The following ROBO2 variants were observed in gnomAD, a reference collection of about 807,000 sequenced individuals.
The protein encoded by ROBO2 is roundabout homolog 2.
Under a neutral mutation model 160.8 loss-of-function variants are expected in ROBO2, and 53 were observed. That is an observed-to-expected ratio of 0.33 (90% CI 0.26 to 0.41). The LOEUF (loss-of-function observed/expected upper bound fraction) is 0.41, where lower values mean the gene tolerates loss of function less well. Among genes scored for constraint, ROBO2 ranks in the 10% least tolerant of loss-of-function variants. The probability of loss-of-function intolerance (pLI) is 1.00; values close to 1 mark genes in which losing one functional copy is unlikely to be tolerated. For synonymous variants in ROBO2, 664 were observed against 611.7 expected, an observed-to-expected ratio of 1.09 and a Z score of -1.26; for missense variants, 1,577 against 1,722.4, an observed-to-expected ratio of 0.92 and a Z score of 1.49.
At chr3:76,882,389 C>T (rs551544631) in intron 2 of ROBO2, among the ~76,000 whole-genome samples, 1 of 152,168 alleles carries the variant, frequency 6.6e-6, no homozygotes, top group East Asian at 1.9e-4. Context: ...CTCGGTTTTA[C>T]CTACTAAGTT....
chr3:76,938,594 A>G (rs906605033), intron 2 of ROBO2, among the ~76,000 whole-genome samples: 1 of 152,116 alleles, frequency 6.6e-6, no homozygotes, highest in Non-Finnish European at 1.5e-5. Context: ...CATGTACCAC[A>G]GGTGGCTAGC....
intron 2 of ROBO2, among the ~76,000 whole-genome samples, chr3:77,109,568 G>T (rs1193960001): frequency 1.3e-5 from 2 of 152,210 alleles, no homozygotes; most frequent in East Asian, 3.9e-4. Context: ...CTCTGCAAGA[G>T]AATGTGGAAC....
At chr3:76,273,096 C>T (rs1707679696) in intron 2 of ROBO2, among the ~76,000 whole-genome samples, 1 of 62,198 alleles carries the variant, frequency 1.6e-5, no homozygotes, top group South Asian at 7.1e-4. Flanking sequence ...ATAAAATACA[C>T]ACACATATAC....
At chr3:76,377,481 C>T (rs1208392021) in intron 2 of ROBO2, among the ~76,000 whole-genome samples, 1 of 152,160 alleles carries the variant, frequency 6.6e-6, no homozygotes, top group Non-Finnish European at 1.5e-5. Context: ...GAAATTGCTA[C>T]TGAATATTAC....
intron 2 of ROBO2, among the ~76,000 whole-genome samples, chr3:76,298,131 G>A (rs183973456): frequency 1.4e-4 from 22 of 152,238 alleles, no homozygotes; most frequent in Non-Finnish European, 2.8e-4. Flanking sequence ...CATCATAGAG[G>A]AACAAAAAGC....
chr3:76,709,640 C>A (rs1317401226), intron 2 of ROBO2, among the ~76,000 whole-genome samples: 2 of 152,080 alleles, frequency 1.3e-5, no homozygotes, highest in African/African-American at 2.4e-5. Context: ...ACTTCAGGGG[C>A]TGGACAGGAG....
At chr3:76,056,599 T>G (rs2067857155) in intron 2 of ROBO2, among the ~76,000 whole-genome samples, 1 of 152,168 alleles carries the variant, frequency 6.6e-6, no homozygotes, top group Admixed American at 6.5e-5. Flanking sequence ...AGAAAAAGGT[T>G]CTTACATGTA....
chr3:77,066,484 A>C (rs2066855762), intron 1 of ROBO2, among the ~76,000 whole-genome samples: 1 of 152,244 alleles, frequency 6.6e-6, no homozygotes, highest in South Asian at 2.1e-4. Context: ...TTTCTTTAAA[A>C]ATGTGTTATC....
chr3:76,956,790 A>T (rs997899372), intron 2 of ROBO2, among the ~76,000 whole-genome samples: 1 of 152,038 alleles, frequency 6.6e-6, no homozygotes, highest in Non-Finnish European at 1.5e-5. Context: ...CCCAGGGCCC[A>T]ACCTCAGAAC....
intron 2 of ROBO2, among the ~76,000 whole-genome samples, chr3:77,031,523 A>G (rs1360588119): frequency 6.8e-6 from 1 of 146,480 alleles, no homozygotes; most frequent in Non-Finnish European, 1.5e-5. Context: ...TATCTACTAT[A>G]TAATATATTC....
At chr3:76,273,668 A>G (rs191414397) in intron 2 of ROBO2, among the ~76,000 whole-genome samples, 13 of 152,188 alleles carry the variant, frequency 8.5e-5, no homozygotes, top group Admixed American at 3.3e-4. Context: ...GAACTCACTC[A>G]TCATCATGAG....
At chr3:76,580,342 G>GTTTTTTTTTTTTTTTTTTTTTT (rs71101901) in intron 2 of ROBO2, among the ~76,000 whole-genome samples, 2 of 90,562 alleles carry the variant, frequency 2.2e-5, no homozygotes, top group African/African-American at 8.7e-5. Flanking sequence ...TTTTTTTTGT[G>GTTTTTTTTTTTTTTTTTTTTTT]TTTTTTTTTT....
chr3:75,957,746 G>C (rs149103895), intron 2 of ROBO2, among the ~76,000 whole-genome samples: 1 of 151,020 alleles, frequency 6.6e-6, no homozygotes, highest in Non-Finnish European at 1.5e-5. Context: ...GGGATAAATG[G>C]TTGTCTTTTG....
rs71104642 is a variant in ROBO2, at chr3:76,948,874, TTATATA to T, written c.110-149110_110-149105del. On this transcript the variant is annotated intron_variant, in intron 2 of 26. Coordinates refer to the ROBO2 transcript ENST00000487694. ...TGCCCGCCACCACACCCGGCTAATT[TTATATA>T]TATATATATATATATATATATATAT... 4.1e-3 allele frequency among the ~76,000 whole-genome samples: 200 copies of T among 48,536 alleles called. 3 individuals are homozygous for T. Among genetic ancestry groups the T allele is most frequent in the Non-Finnish European group, 5.0e-3 (148 of 29,636 alleles). 31.8% of individuals were successfully genotyped at this position (48,536 alleles called of 152,430 possible).
chr3:77,534,411 A>T (rs2091957141), intron 6 of ROBO2, among the ~76,000 whole-genome samples: 1 of 152,096 alleles, frequency 6.6e-6, no homozygotes, highest in Non-Finnish European at 1.5e-5. Flanking sequence ...GTATGAGGAG[A>T]TTAGTATTAA....
At position 77,568,403 on chromosome 3, in the gene ROBO2, T is replaced by C; in HGVS notation, c.1940T>C (p.Leu647Pro). Residue 647 changes from leucine (L) to proline (P), a missense_variant, in exon 13 of 26, where the codon CTG becomes CCG. Physicochemically the swap from Leu to Pro is moderately conservative, Grantham distance 98. Around this residue, in one of 2 missense-constraint regions of ROBO2, gnomAD observed 940 missense variants for 1,135.5 expected, o/e 0.83. Coordinates refer to ENST00000461745, the Ensembl canonical transcript of ROBO2. The stretch of plus-strand genomic sequence containing the variant: ...GTCCGTCTTCATAATCCAGTTGTGC[T>C]GACTCCCACCACGGTTCAGGTCACA... 1 of 1,612,984 alleles carries C rather than the reference T, an allele frequency of 6.2e-7. No individual in the cohort carries two copies. The highest frequency in any genetic ancestry group is 8.5e-7 in the Non-Finnish European group (1 of 1,179,298).
chr3:76,428,514 G>A (rs1339830954), intron 2 of ROBO2, among the ~76,000 whole-genome samples: 1 of 150,840 alleles, frequency 6.6e-6, no homozygotes, highest in East Asian at 2.0e-4. Flanking sequence ...TAAAAGGAGA[G>A]AAAAAATGCT....
chr3:77,622,193 T>C (rs2094915861), intron 22 of ROBO2, 34 bp from the exon 24 acceptor site: 1 of 1,586,206 alleles, frequency 6.3e-7, no homozygotes, highest in Non-Finnish European at 8.6e-7. Flanking sequence ...GTTAATAAGT[T>C]GCTTTTCTTT....
At chr3:77,442,070 TGGGAGGCCTAGGCAGGC>T (rs2079979610) in intron 2 of ROBO2, among the ~76,000 whole-genome samples, 1 of 152,162 alleles carries the variant, frequency 6.6e-6, no homozygotes, top group Non-Finnish European at 1.5e-5. Context: ...CCCAGCACTT[TGGGAGGCCTAGGCAGGC>T]GGATCACGAG....
Sources: gnomAD v4.1 joint callset for allele counts (sites outside exome capture counted in the v4.1 genomes callset) on GRCh38, gnomAD v4.1.1 for gene constraint, gnomAD v4.1.1 regional missense constraint, MANE v1.5 for transcripts, NCBI Gene and HGNC (gene_info 2026-07-23, HGNC 2026-07-21) for gene names.